Variants in ADGRB1 observed in about 807,000 individuals in gnomAD.
ADGRB1 encodes the protein brain-specific angiogenesis inhibitor 1.
Under a neutral mutation model 175.7 loss-of-function variants are expected in ADGRB1, and 36 were observed. That is an observed-to-expected ratio of 0.20 (90% CI 0.16 to 0.27). ADGRB1 has a LOEUF of 0.27. Ranked by LOEUF, ADGRB1 falls within the 10% of genes least tolerant of loss-of-function variation. ADGRB1 has a pLI of 1.00. For missense variants in ADGRB1, 1,731 were observed against 2,255.3 expected, an observed-to-expected ratio of 0.77 and a Z score of 4.71; for synonymous variants, 1,054 against 979.4, an observed-to-expected ratio of 1.08 and a Z score of -1.42.
At chr8:142,453,042 CCGCTCGCTCGCT>C (rs528898967) in intron 1 of ADGRB1, among the ~76,000 whole-genome samples, 2 of 142,284 alleles carry the variant, frequency 1.4e-5, no homozygotes, top group African/African-American at 5.2e-5. Flanking sequence ...GCCCGCCCGC[CCGCTCGCTCGCT>C]CGCTCGCCGT....
At chr8:142,528,571 G>A (rs1436139775) in intron 24 of ADGRB1, among the ~76,000 whole-genome samples, 1 of 151,912 alleles carries the variant, frequency 6.6e-6, no homozygotes, top group Non-Finnish European at 1.5e-5. Flanking sequence ...CCCCTCGGGC[G>A]CGCCCTCAAG....
intron 2 of ADGRB1, among the ~76,000 whole-genome samples, chr8:142,468,232 G>A (rs1020361325): frequency 1.3e-5 from 2 of 152,014 alleles, no homozygotes; most frequent in Non-Finnish European, 2.9e-5. Context: ...GTGTGCGTGT[G>A]CAGTACATTA....
chr8:142,500,112 A>G (rs1448275692), intron 17 of ADGRB1, among the ~76,000 whole-genome samples: 2 of 151,876 alleles, frequency 1.3e-5, no homozygotes, highest in Non-Finnish European at 2.9e-5. Flanking sequence ...GTTCCTCACA[A>G]TGCAAGACGC....
intron 18 of ADGRB1, among the ~76,000 whole-genome samples, chr8:142,517,612 G>A (rs1464890039): frequency 6.6e-6 from 1 of 152,136 alleles, no homozygotes; most frequent in East Asian, 1.9e-4. Flanking sequence ...TTTGGTGCAA[G>A]GAAGCTGGTC....
intron 1 of ADGRB1, among the ~76,000 whole-genome samples, chr8:142,450,432 C>T (rs985344061): frequency 6.6e-6 from 1 of 152,124 alleles, no homozygotes; most frequent in Admixed American, 6.5e-5. Flanking sequence ...GCCTGGCACC[C>T]CTCTTCATCA....
chr8:142,471,924 GC>G (rs1245142673), intron 2 of ADGRB1, among the ~76,000 whole-genome samples: 1 of 152,234 alleles, frequency 6.6e-6, no homozygotes, highest in Non-Finnish European at 1.5e-5. Context: ...GAGTCTGGGT[GC>G]CCCAGGACAA....
rs1840800524 is a variant in ADGRB1, at chr8:142,474,017, T to C, written c.785-1457T>C. Among the ~76,000 whole-genome samples, 1 of 152,234 alleles carries C rather than the reference T, an allele frequency of 6.6e-6. No homozygotes were observed. The highest frequency in any genetic ancestry group is 2.1e-4 in the South Asian group (1 of 4,834). ...CGTCCTCTCATATCCTTTTTTGCTGTTTGACTTCCCACTTGTCAGTCCTGG... is the reference window on the plus strand; with the variant it reads ...CGTCCTCTCATATCCTTTTTTGCTGCTTGACTTCCCACTTGTCAGTCCTGG... On this transcript the variant is annotated intron_variant, in intron 2 of 30. Coordinates refer to ENST00000517894, the MANE Select transcript of ADGRB1 (RefSeq NM_001702.3). The surrounding 1 kb of genome is among the most constrained non-coding windows in gnomAD (Gnocchi z 5.8).
At chr8:142,488,694 G>A (rs929454218) in intron 14 of ADGRB1, among the ~76,000 whole-genome samples, 187 bp downstream of exon 14, 2 of 152,180 alleles carry the variant, frequency 1.3e-5, no homozygotes, top group African/African-American at 4.8e-5. Flanking sequence ...CTGAGGCCCA[G>A]GCAGAGGGGT....
chr8:142,530,159 G>A (rs1844538457), intron 24 of ADGRB1, among the ~76,000 whole-genome samples: 1 of 152,138 alleles, frequency 6.6e-6, no homozygotes, highest in African/African-American at 2.4e-5. Flanking sequence ...ATGTGCCTGT[G>A]TGTGCGTGTG....
chr8:142,464,144 C>A lies in ADGRB1; in HGVS notation c.-55C>A. 1 of 1,238,636 alleles carries A rather than the reference C, an allele frequency of 8.1e-7. No individual in the cohort carries two copies. Among genetic ancestry groups the A allele is most frequent in the Non-Finnish European group, 1.0e-6 (1 of 994,038 alleles). The allele number at this position is 1,238,636 out of a possible 1,614,324, so 76.7% of individuals were successfully genotyped here. A position where few individuals can be genotyped will look rare whatever the true frequency, so the allele number is the denominator to read the frequency against. On this transcript the variant is annotated 5_prime_UTR_variant, in exon 2 of 31. It adds an upstream start codon to the 5' untranslated region. Coordinates refer to ENST00000517894, the MANE Select transcript of ADGRB1 (RefSeq NM_001702.3). ...CCGCCGGACCCTGGCATGTCAAGAC[C>A]TGGTCCGCGCCTGCCTGCCCAGCCC...
At position 142,464,086 on chromosome 8, in the gene ADGRB1, G is replaced by GCCACCCAGCCCCCCCCCGGC; in HGVS notation, c.-111_-110insACCCAGCCCCCCCCCGGCCC. ...CCCTCTCCCATCCCACCCTTGCCCC[G>GCCACCCAGCCCCCCCCCGGC]CCTCCCTGCCCCCACCGGGCCGGCC... is the stretch of plus-strand genomic sequence containing the variant. On this transcript the variant is annotated 5_prime_UTR_variant, in exon 2 of 31. Coordinates refer to ENST00000517894, the MANE Select transcript of ADGRB1 (RefSeq NM_001702.3). 1 of 198,028 alleles carries GCCACCCAGCCCCCCCCCGGC rather than the reference G, an allele frequency of 5.0e-6. No homozygotes were observed. The highest frequency in any genetic ancestry group is 9.2e-6 in the Non-Finnish European group (1 of 108,426). 12.3% of individuals were successfully genotyped at this position (198,028 alleles called of 1,614,324 possible).
chr8:142,459,989 CT>C (rs1839890058), intron 1 of ADGRB1, among the ~76,000 whole-genome samples: 1 of 152,260 alleles, frequency 6.6e-6, no homozygotes, highest in African/African-American at 2.4e-5. Flanking sequence ...GGAGTCTCCC[CT>C]GCACGCCCCA....
intron 17 of ADGRB1, among the ~76,000 whole-genome samples, chr8:142,509,202 A>G (rs571933928): frequency 1.1e-4 from 16 of 152,176 alleles, no homozygotes; most frequent in Non-Finnish European, 1.9e-4. Flanking sequence ...GCTCTGGGCT[A>G]TCAGACATGG....
At chr8:142,540,800 C>T (rs2132278191) in intron 27 of ADGRB1, among the ~76,000 whole-genome samples, 1 of 151,596 alleles carries the variant, frequency 6.6e-6, no homozygotes, top group East Asian at 2.0e-4. Flanking sequence ...GATGACGGGT[C>T]ACTCTTGGGT....
rs369009016 is a variant in ADGRB1 at position 142,461,927 on chromosome 8, C to T, written c.-219-2053C>T. ...GACACTCAGCCAGGACTGGGCTCACCCCGGGACTGTAGCGCAAGGTGAGGC... is the reference window on the plus strand; with the variant it reads ...GACACTCAGCCAGGACTGGGCTCACTCCGGGACTGTAGCGCAAGGTGAGGC... On this transcript the variant is annotated intron_variant, in intron 1 of 30. Transcript: ENST00000517894. 3.5e-3 allele frequency among the ~76,000 whole-genome samples: 530 copies of T among 152,200 alleles called. 2 individuals carry two copies. The highest frequency in any genetic ancestry group is 0.011 in the African/African-American group (476 of 41,530).
At chr8:142,484,161 T>A in intron 12 of ADGRB1, 116 bp downstream of exon 12, 3 of 826,280 alleles carry the variant, frequency 3.6e-6, no homozygotes, top group Non-Finnish European at 3.9e-6. Flanking sequence ...TGGGTTTGGA[T>A]CTCAGGATGG....
chr8:142,468,511 C>T (rs904048405), intron 2 of ADGRB1, among the ~76,000 whole-genome samples: 4 of 152,176 alleles, frequency 2.6e-5, no homozygotes, highest in Non-Finnish European at 2.9e-5. Flanking sequence ...GCCCAGAAGG[C>T]CCTGATGCTT....
At chr8:142,526,727 C>T in intron 24 of ADGRB1, 100 bp downstream of exon 24, 1 of 1,223,184 alleles carries the variant, frequency 8.2e-7, no homozygotes, top group East Asian at 2.5e-5. Context: ...CAATCTGAGA[C>T]TGCAGGTCCA....
At chr8:142,505,954 G>A (rs1486269301) in intron 17 of ADGRB1, among the ~76,000 whole-genome samples, 1 of 152,192 alleles carries the variant, frequency 6.6e-6, no homozygotes, top group Non-Finnish European at 1.5e-5. Flanking sequence ...GGTGAGCGAT[G>A]GCAGGCTGGC....
Sources: allele counts gnomAD v4.1 joint callset (sites outside exome capture counted in the v4.1 genomes callset), GRCh38; gene constraint gnomAD v4.1.1; non-coding constraint Gnocchi (gnomAD v3.1); transcripts MANE v1.5; gene names NCBI Gene and HGNC (gene_info 2026-07-23, HGNC 2026-07-21).